LARS1: variants seen among roughly 807,000 people sequenced by gnomAD.
LARS1 encodes the protein leucine--tRNA ligase, cytoplasmic.
In LARS1, 100 loss-of-function variants were observed where a neutral mutation model predicts 162.8. The observed-to-expected ratio is 0.61, with a 90% CI of 0.52 to 0.73. LARS1 has a LOEUF of 0.73. Ranked by LOEUF, LARS1 falls within the 30% of genes least tolerant of loss-of-function variation. The pLI, the probability that LARS1 is intolerant of heterozygous loss-of-function variation, is 0.00. For synonymous variants in LARS1, 457 were observed against 462.8 expected, an observed-to-expected ratio of 0.99 and a Z score of 0.16; for missense variants, 1,258 against 1,408.9, an observed-to-expected ratio of 0.89 and a Z score of 1.71.
At chr5:146,140,848 CAT>C (rs78001851) in intron 20 of LARS1, among the ~76,000 whole-genome samples, 1 of 151,954 alleles carries the variant, frequency 6.6e-6, no homozygotes, top group Non-Finnish European at 1.5e-5. Context: ...AATATACACA[CAT>C]ATATATACAC....
intron 23 of LARS1, 141 bp downstream of exon 23, chr5:146,132,753 CAAGT>C: frequency 3.3e-6 from 2 of 613,414 alleles, no homozygotes; most frequent in Non-Finnish European, 5.4e-6. Flanking sequence ...GTACCCGGCA[CAAGT>C]AAGCCTTCAA....
rs1753728623 is a variant in LARS1, at chr5:146,160,414, A to C, written c.667T>G (p.Leu223Val). The C allele has an allele frequency of 6.3e-7, 1 of 1,582,082 alleles. No homozygotes were observed. The highest frequency in any genetic ancestry group is 1.4e-5 in the African/African-American group (1 of 73,556). The change falls in exon 7 of 32, where the codon TTA becomes GTA. Residue 223 changes from leucine (L) to valine (V), a missense_variant. By Grantham distance (32) the Leu-to-Val change is conservative. Coordinates refer to ENST00000394434, the MANE Select transcript of LARS1 (RefSeq NM_020117.11). Reference protein sequence around the residue: ...YYDSFVRWQFLTLRERNKIKF... With the variant: ...YYDSFVRWQFVTLRERNKIKF... ...ATTTTGTTTCTTTCTCTTAATGTTA[A>C]AAATTGCCATCTGACAAATGAATCA... is the stretch of plus-strand genomic sequence containing the variant.
At chr5:146,176,480 AAG>A (rs1360951390) in intron 2 of LARS1, among the ~76,000 whole-genome samples, 2 of 151,718 alleles carry the variant, frequency 1.3e-5, no homozygotes, top group Non-Finnish European at 2.9e-5. Flanking sequence ...AAGAAAGAAA[AAG>A]AAGATTAAAT....
chr5:146,139,178 C>T (rs185586124), intron 21 of LARS1, among the ~76,000 whole-genome samples: 8 of 151,268 alleles, frequency 5.3e-5, no homozygotes, highest in Non-Finnish European at 1.0e-4. Context: ...CCCATCTCTA[C>T]GGAAAAAAAC....
rs1561791200 is a variant in LARS1 at position 146,114,100 on chromosome 5, A to AT, written c.*5dup. 6.2e-7 allele frequency: 1 copy of AT among 1,603,230 alleles called. No homozygotes were observed. Among genetic ancestry groups the AT allele is most frequent in the Admixed American group, 1.7e-5 (1 of 60,008 alleles). ...AAACCAGGATAAATCTCCAATGTGC[A>AT]TGAGTTTAATGAACCAGATAGATTA... On this transcript the variant is annotated 3_prime_UTR_variant, in exon 32 of 32. Transcript: ENST00000394434.
rs181291967 is a variant in LARS1 at position 146,172,783 on chromosome 5, C to T, written c.126-9G>A. 2 of 1,483,920 alleles carry T rather than the reference C, an allele frequency of 1.3e-6. No homozygotes were observed. The highest frequency in any genetic ancestry group is 1.8e-6 in the Non-Finnish European group (2 of 1,095,598). 91.9% of individuals were successfully genotyped at this position (1,483,920 alleles called of 1,614,324 possible). ...CAAAATACTTGCCCTTGCTGCAAAA[C>T]AACAGTATAAAAAAGAAAGTACAGA... On this transcript the variant is annotated splice_polypyrimidine_tract_variant and intron_variant, in intron 2 of 31. Transcript: ENST00000394434.
At chr5:146,158,932 T>TAA (rs1581063758) in intron 8 of LARS1, among the ~76,000 whole-genome samples, 1 of 151,960 alleles carries the variant, frequency 6.6e-6, no homozygotes, top group Non-Finnish European at 1.5e-5. Context: ...CCGTCTCTAC[T>TAA]AAAAATACAA....
intron 10 of LARS1, 82 bp downstream of exon 10, chr5:146,157,321 T>C (rs1753574072): frequency 8.2e-7 from 1 of 1,222,938 alleles, no homozygotes; most frequent in Non-Finnish European, 1.2e-6. Context: ...TTTAAGGTTG[T>C]AATGCTCTTT....
intron 2 of LARS1, among the ~76,000 whole-genome samples, chr5:146,174,404 C>A: frequency 6.9e-6 from 1 of 145,488 alleles, no homozygotes; most frequent in Non-Finnish European, 1.5e-5. Flanking sequence ...GAGATCACAC[C>A]ATTGCACTCC....
intron 15 of LARS1, among the ~76,000 whole-genome samples, chr5:146,144,976 C>CA (rs1752950281): frequency 6.6e-6 from 1 of 150,702 alleles, no homozygotes; most frequent in Admixed American, 6.6e-5. Flanking sequence ...AAAAAGTGAA[C>CA]AAAAAGGAAA....
At chr5:146,122,427 G>A (rs906186037) in intron 30 of LARS1, 65 bp downstream of exon 30, 45 of 877,908 alleles carry the variant, frequency 5.1e-5, no homozygotes, top group Admixed American at 1.4e-4. Flanking sequence ...GGGTTTAGAT[G>A]TAATGATCTC....
At chr5:146,180,216 T>TA (rs1754773377) in intron 1 of LARS1, among the ~76,000 whole-genome samples, 1 of 151,978 alleles carries the variant, frequency 6.6e-6, no homozygotes, top group South Asian at 2.1e-4. Context: ...GCCTGGTTGA[T>TA]AGAGTGAGTC....
Position 146,153,215 on chromosome 5 carries a change from T to C in LARS1, c.1243A>G (p.Lys415Glu), listed in dbSNP as rs770499686. Reference protein sequence around the residue: ...DLKKKQALRAKYGIRDDMVLP... With the variant: ...DLKKKQALRAEYGIRDDMVLP... ...ACCATGTCATCTCTAATTCCATATT[T>C]TGCTCGTAAGGCCTACAGAAAAATT... Residue 415 changes from lysine to glutamate, a missense_variant, in exon 13 of 32, where the codon AAA becomes GAA. Coordinates refer to ENST00000394434, the MANE Select transcript of LARS1 (RefSeq NM_020117.11). 13 of 1,613,148 alleles carry C rather than the reference T, an allele frequency of 8.1e-6. 1 individual carries two copies. In the South Asian group the frequency reaches 1.4e-4, roughly 18 times the overall value.
At chr5:146,140,890 T>C (rs556009740) in intron 20 of LARS1, among the ~76,000 whole-genome samples, 24 of 152,132 alleles carry the variant, frequency 1.6e-4, no homozygotes, top group African/African-American at 5.8e-4. Context: ...CACACACATA[T>C]ATATACACAT....
At chr5:146,175,815 A>T (rs1251481474) in intron 2 of LARS1, among the ~76,000 whole-genome samples, 1 of 151,652 alleles carries the variant, frequency 6.6e-6, no homozygotes, top group African/African-American at 2.4e-5. Context: ...GTGACAGAGC[A>T]AGACTCCGTC....
chr5:146,179,281 C>T (rs1754730129), intron 1 of LARS1, among the ~76,000 whole-genome samples: 1 of 152,074 alleles, frequency 6.6e-6, no homozygotes, highest in Non-Finnish European at 1.5e-5. Flanking sequence ...CCTGCCTCAG[C>T]CTCCCGAGCA....
intron 6 of LARS1, among the ~76,000 whole-genome samples, chr5:146,163,730 T>C (rs1194586598): frequency 6.6e-6 from 1 of 152,192 alleles, no homozygotes; most frequent in Non-Finnish European, 1.5e-5. Flanking sequence ...CATTCATAAC[T>C]TGGCTGACTG....
chr5:146,170,029 T>A (rs1456320157), intron 4 of LARS1, among the ~76,000 whole-genome samples: 1 of 152,032 alleles, frequency 6.6e-6, no homozygotes, highest in Non-Finnish European at 1.5e-5. Context: ...ACCCTAATCA[T>A]GAAAAAACAA....
Position 146,126,503 on chromosome 5 carries a change from C to A in LARS1, c.2923G>T (p.Glu975Ter). 6.2e-7 allele frequency: 1 copy of A among 1,612,326 alleles called. No homozygotes were observed. The highest frequency in any genetic ancestry group is 1.1e-5 in the South Asian group (1 of 90,982). The change falls in exon 28 of 32, where the codon GAA becomes TAA. Residue 975 changes from glutamate (E) to a stop codon, truncating the protein, a stop_gained. Transcript: ENST00000394434. LOFTEE classifies it high-confidence loss of function. ...KLPDNKVIAS[E>*]LGSMPELKKY... ...TTCAGTTCTGGCATACTGCCTAGTT[C>A]ACTAGCAATGACTTTGTTGTCAGGC...
Sources: gnomAD v4.1 joint callset for allele counts (sites outside exome capture counted in the v4.1 genomes callset) on GRCh38, gnomAD v4.1.1 for gene constraint, MANE v1.5 for transcripts, NCBI Gene and HGNC (gene_info 2026-07-23, HGNC 2026-07-21) for gene names.